Variants in XRCC4 observed in about 807,000 individuals in gnomAD.
XRCC4 encodes the protein DNA repair protein XRCC4.
In XRCC4, 28 loss-of-function variants were observed where a neutral mutation model predicts 39.1. The ratio of observed to expected loss-of-function variants is 0.72; its 90% CI spans 0.53 to 0.98. The LOEUF (loss-of-function observed/expected upper bound fraction) is 0.98. Among genes scored for constraint, XRCC4 ranks in the 50% least tolerant of loss-of-function variants. The pLI is 0.00. For missense variants in XRCC4, 350 were observed against 376.4 expected (o/e 0.93, Z 0.58); for synonymous variants, 123 against 126.4 (o/e 0.97, Z 0.18).
At position 83,296,125 on chromosome 5, in the gene XRCC4, G is replaced by T. The variant is rs189034610; in HGVS notation, c.893+37448G>T. 2.0e-5 allele frequency among the ~76,000 whole-genome samples: 3 copies of T among 152,138 alleles called. No individual in the cohort carries two copies. The East Asian group carries it at 5.8e-4, about 29-fold the overall frequency. Reference sequence around the variant, plus strand: ...CTTCCTCGTCTCTCCTTTCCAAATAGCACAACCAGAGATATTTAACACCAC... The same window carrying T: ...CTTCCTCGTCTCTCCTTTCCAAATATCACAACCAGAGATATTTAACACCAC... On this transcript the variant is annotated intron_variant, in intron 7 of 7. Transcript: ENST00000396027.
intron 3 of XRCC4, among the ~76,000 whole-genome samples, chr5:83,131,782 A>T (rs1471195172): frequency 6.6e-6 from 1 of 151,860 alleles, no homozygotes; most frequent in Non-Finnish European, 1.5e-5. Context: ...GTCTCTGCAC[A>T]TGAGATGGGT....
intron 7 of XRCC4, among the ~76,000 whole-genome samples, chr5:83,320,302 A>G (rs942662091): frequency 1.3e-5 from 2 of 150,186 alleles, no homozygotes; most frequent in African/African-American, 4.9e-5. Flanking sequence ...GCACATGTAT[A>G]CATATGTAAC....
chr5:83,132,795 A>T (rs946108850), intron 3 of XRCC4, among the ~76,000 whole-genome samples: 11 of 151,728 alleles, frequency 7.2e-5, no homozygotes, highest in African/African-American at 2.7e-4. Context: ...ATCTTTTTTC[A>T]AGGTTATTAG....
At position 83,191,296 on chromosome 5, in the gene XRCC4, A is replaced by T. The variant is rs1051924121; in HGVS notation, c.316-4474A>T. ...TATCTCATCTTGAATGGTAACTCCAACAATTCCCGTGTGTCATGGGAGGAA... is the reference window on the plus strand; with the variant it reads ...TATCTCATCTTGAATGGTAACTCCATCAATTCCCGTGTGTCATGGGAGGAA... On this transcript the variant is annotated intron_variant, in intron 3 of 7. Coordinates refer to ENST00000396027, the MANE Select transcript of XRCC4 (RefSeq NM_003401.5). Among the ~76,000 whole-genome samples, 10 of 152,334 alleles carry T rather than the reference A, an allele frequency of 6.6e-5. No individual in the cohort carries two copies. In the South Asian group the frequency reaches 2.1e-3, roughly 32 times the overall value.
intron 6 of XRCC4, among the ~76,000 whole-genome samples, chr5:83,214,847 AAT>A (rs762293602): frequency 0.07 from 9,356 of 133,328 alleles, 1,023 homozygotes; most frequent in East Asian, 0.5. Context: ...AAAAAAAAAA[AAT>A]AATAATAATA....
chr5:83,237,771 G>A (rs1192606495), intron 6 of XRCC4, among the ~76,000 whole-genome samples: 3 of 151,926 alleles, frequency 2.0e-5, no homozygotes, highest in Admixed American at 6.6e-5. Flanking sequence ...TGAAATCATG[G>A]ATATCCTTAT....
chr5:83,208,429 C>T (rs567838288), intron 6 of XRCC4, among the ~76,000 whole-genome samples: 15 of 151,948 alleles, frequency 9.9e-5, no homozygotes, highest in South Asian at 8.3e-4. Flanking sequence ...TCATATTTAC[C>T]GTATTCACTC....
intron 7 of XRCC4, among the ~76,000 whole-genome samples, chr5:83,334,491 C>A (rs1478255096): frequency 1.3e-5 from 2 of 151,732 alleles, no homozygotes; most frequent in East Asian, 1.9e-4. Context: ...TTTAAGGTAC[C>A]TCAATGTAAC....
chr5:83,298,783 G>C (rs1209938963), intron 7 of XRCC4, among the ~76,000 whole-genome samples: 2 of 151,824 alleles, frequency 1.3e-5, no homozygotes, highest in African/African-American at 4.8e-5. Context: ...AGTCAACCAA[G>C]TACCCTTTGC....
chr5:83,232,494 A>G (rs1001111244), intron 6 of XRCC4, among the ~76,000 whole-genome samples: 8 of 152,068 alleles, frequency 5.3e-5, no homozygotes, highest in Non-Finnish European at 1.0e-4. Flanking sequence ...CTTAAAGCCA[A>G]AAAACTACAA....
chr5:83,101,720 T>C (rs936871267), intron 1 of XRCC4, among the ~76,000 whole-genome samples: 3 of 152,068 alleles, frequency 2.0e-5, no homozygotes, highest in African/African-American at 7.2e-5. Flanking sequence ...TGCTCAACAT[T>C]TTATGTGCAT....
chr5:83,129,329 G>A (rs1409276149), intron 3 of XRCC4, among the ~76,000 whole-genome samples: 4 of 151,422 alleles, frequency 2.6e-5, no homozygotes, highest in African/African-American at 9.7e-5. Flanking sequence ...TGTTCCATTG[G>A]TCTATACCTC....
At chr5:83,088,241 T>C (rs1378481822) in intron 1 of XRCC4, among the ~76,000 whole-genome samples, 2 of 152,188 alleles carry the variant, frequency 1.3e-5, no homozygotes, top group African/African-American at 4.8e-5. Context: ...TACTACCTTG[T>C]ATATATTTAC....
chr5:83,256,043 T>G (rs1254096495), intron 6 of XRCC4, among the ~76,000 whole-genome samples: 1 of 152,232 alleles, frequency 6.6e-6, no homozygotes, highest in Admixed American at 6.5e-5. Flanking sequence ...TTCATCAAGT[T>G]AGTTTACATG....
chr5:83,225,211 G>A (rs542933242), intron 6 of XRCC4, among the ~76,000 whole-genome samples: 1 of 152,176 alleles, frequency 6.6e-6, no homozygotes, highest in African/African-American at 2.4e-5. Context: ...CTTATTATGT[G>A]CCTTGTCTGG....
intron 6 of XRCC4, among the ~76,000 whole-genome samples, chr5:83,224,078 T>C (rs983855662): frequency 1.3e-5 from 2 of 152,050 alleles, no homozygotes; most frequent in African/African-American, 4.8e-5. Context: ...TTTTTTAAAA[T>C]CCATTTAGCC....
intron 6 of XRCC4, among the ~76,000 whole-genome samples, chr5:83,221,206 A>G (rs1482036177): frequency 9.2e-5 from 14 of 152,230 alleles, no homozygotes; most frequent in Admixed American, 8.5e-4. Context: ...GTTATTTTTT[A>G]TTATGGCATC....
chr5:83,094,238 T>C (rs1745563152), intron 1 of XRCC4, among the ~76,000 whole-genome samples: 1 of 151,950 alleles, frequency 6.6e-6, no homozygotes, highest in African/African-American at 2.4e-5. Context: ...CTATTATGTA[T>C]AGGTTAGGTC....
intron 6 of XRCC4, among the ~76,000 whole-genome samples, chr5:83,244,194 C>T (rs1438391817): frequency 6.6e-6 from 1 of 150,896 alleles, no homozygotes; most frequent in Non-Finnish European, 1.5e-5. Context: ...ATGATTTCTT[C>T]TTTATGGGTC....
Sources: gnomAD v4.1 joint callset for allele counts (sites outside exome capture counted in the v4.1 genomes callset) on GRCh38, gnomAD v4.1.1 for gene constraint, MANE v1.5 for transcripts, NCBI Gene and HGNC (gene_info 2026-07-23, HGNC 2026-07-21) for gene names.